The following THSD7B variants were observed in gnomAD, a reference collection of about 807,000 sequenced individuals.
THSD7B encodes thrombospondin type-1 domain-containing protein 7B.
THSD7B carries 138 observed loss-of-function variants against 213.6 expected under a neutral mutation model. The observed-to-expected ratio is 0.65, with a 90% confidence interval of 0.56 to 0.74. The LOEUF is 0.74. THSD7B is among the 30% of genes least tolerant of loss of function. THSD7B has a pLI of 0.00. For missense variants in THSD7B, 1,931 were observed against 1,991.5 expected, an observed-to-expected ratio of 0.97 and a Z score of 0.58; for synonymous variants, 742 against 687.0, an observed-to-expected ratio of 1.08 and a Z score of -1.25.
At chr2:136,923,407 G>T (rs1684469257) in intron 2 of THSD7B, among the ~76,000 whole-genome samples, 1 of 152,148 alleles carries the variant, frequency 6.6e-6, no homozygotes, top group Non-Finnish European at 1.5e-5. Context: ...GCTGTAATGT[G>T]CATGAGTGTG....
intron 2 of THSD7B, among the ~76,000 whole-genome samples, chr2:136,964,057 C>T (rs1035115243): frequency 2.0e-5 from 3 of 152,272 alleles, no homozygotes; most frequent in East Asian, 1.9e-4. Flanking sequence ...GAAGAGTACA[C>T]GATTTTTGTT....
chr2:137,302,270 G>A (rs1304063033), intron 12 of THSD7B, among the ~76,000 whole-genome samples: 2 of 150,748 alleles, frequency 1.3e-5, no homozygotes, highest in Non-Finnish European at 2.9e-5. Flanking sequence ...TAAGAGACTG[G>A]GGAAATGAGA....
intron 12 of THSD7B, among the ~76,000 whole-genome samples, chr2:137,290,631 T>C (rs1271091976): frequency 6.6e-6 from 1 of 152,176 alleles, no homozygotes; most frequent in Admixed American, 6.5e-5. Context: ...CCTAGGTCTT[T>C]ATTTCAAGGG....
At chr2:137,390,818 G>A (rs1025844700) in intron 12 of THSD7B, among the ~76,000 whole-genome samples, 5 of 151,990 alleles carry the variant, frequency 3.3e-5, no homozygotes, top group Non-Finnish European at 7.4e-5. Context: ...TTCTCTTTAC[G>A]TGCTGTATTA....
intron 12 of THSD7B, among the ~76,000 whole-genome samples, chr2:137,337,995 CAAAATTTAGGGGTT>C (rs1365263284): frequency 6.6e-6 from 1 of 151,880 alleles, no homozygotes; most frequent in African/African-American, 2.4e-5. Context: ...CAAATAACCC[CAAAATTTAGGGGTT>C]AAAACAACAC....
At chr2:137,010,936 G>C (rs1686219219) in intron 2 of THSD7B, among the ~76,000 whole-genome samples, 2 of 152,284 alleles carry the variant, frequency 1.3e-5, no homozygotes, top group East Asian at 1.9e-4. Flanking sequence ...GTGATGAAGA[G>C]TGGCAGGGAG....
intron 17 of THSD7B, among the ~76,000 whole-genome samples, chr2:137,577,922 G>A (rs1232541979): frequency 6.6e-6 from 1 of 152,180 alleles, no homozygotes; most frequent in Non-Finnish European, 1.5e-5. Context: ...CGATTCAAGA[G>A]AATTGGAGAG....
intron 2 of THSD7B, among the ~76,000 whole-genome samples, chr2:137,005,793 C>T (rs1157067612): frequency 2.0e-5 from 3 of 152,114 alleles, no homozygotes; most frequent in African/African-American, 7.2e-5. Flanking sequence ...GATTTCATTT[C>T]TGTCTCTGCC....
At chr2:137,278,834 T>C (rs1682933118) in intron 12 of THSD7B, among the ~76,000 whole-genome samples, 1 of 152,062 alleles carries the variant, frequency 6.6e-6, no homozygotes, top group Admixed American at 6.6e-5. Context: ...ATAGAAACGT[T>C]TGCAAATAAA....
chr2:137,347,898 T>C (rs1467375192), intron 12 of THSD7B, among the ~76,000 whole-genome samples: 2 of 151,552 alleles, frequency 1.3e-5, no homozygotes, highest in South Asian at 2.1e-4. Flanking sequence ...AGAATTGTCA[T>C]GATCAAATCA....
At chr2:137,565,534 C>T (rs984521346) in intron 16 of THSD7B, among the ~76,000 whole-genome samples, 20 of 152,166 alleles carry the variant, frequency 1.3e-4, no homozygotes, top group African/African-American at 4.8e-4. Context: ...AGGGTTCCAC[C>T]TTCAAGACTC....
At chr2:137,517,259 T>G (rs1414640838) in intron 15 of THSD7B, among the ~76,000 whole-genome samples, 2 of 152,260 alleles carry the variant, frequency 1.3e-5, no homozygotes, top group Non-Finnish European at 2.9e-5. Context: ...CCTTGATCAC[T>G]TTGTGCTTCC....
intron 1 of THSD7B, among the ~76,000 whole-genome samples, chr2:136,812,597 G>A (rs1046955278): frequency 8.5e-5 from 13 of 152,164 alleles, no homozygotes; most frequent in African/African-American, 2.7e-4. Context: ...TATATACAAT[G>A]TCCTATTTAC....
At chr2:137,433,496 A>G (rs1215915579) in intron 14 of THSD7B, among the ~76,000 whole-genome samples, 1 of 151,848 alleles carries the variant, frequency 6.6e-6, no homozygotes, top group Admixed American at 6.6e-5. Context: ...AGCTGGGATT[A>G]CAGGCAGGCA....
At chr2:137,183,353 A>G (rs1346441640) in intron 7 of THSD7B, among the ~76,000 whole-genome samples, 1 of 152,122 alleles carries the variant, frequency 6.6e-6, no homozygotes, top group East Asian at 1.9e-4. Context: ...TGAGGGTTAA[A>G]AAAGATAACA....
chr2:136,844,100 G>A (rs1377630641), intron 1 of THSD7B, among the ~76,000 whole-genome samples: 1 of 152,082 alleles, frequency 6.6e-6, no homozygotes, highest in Non-Finnish European at 1.5e-5. Context: ...CAGATGTTGG[G>A]CCTGTACATG....
rs1573634228 is a variant in THSD7B, at chr2:136,778,855, T to C, written c.-36+13168T>C. 3.3e-5 allele frequency among the ~76,000 whole-genome samples: 5 copies of C among 152,318 alleles called. No individual in the cohort carries two copies. In the South Asian group the frequency reaches 1.0e-3, roughly 32 times the overall value. On this transcript the variant is annotated intron_variant, in intron 1 of 27. Coordinates refer to ENST00000409968, the MANE Select transcript of THSD7B (RefSeq NM_001316349.2). ...TAGGAACAGACATTTACTAAATTCCTTCCCTGGGCCTATAAGTCAGCTCTA... is the reference window on the plus strand; with the variant it reads ...TAGGAACAGACATTTACTAAATTCCCTCCCTGGGCCTATAAGTCAGCTCTA...
At chr2:137,551,504 T>C (rs1010074682) in intron 15 of THSD7B, among the ~76,000 whole-genome samples, 2 of 152,110 alleles carry the variant, frequency 1.3e-5, no homozygotes, top group African/African-American at 4.8e-5. Flanking sequence ...CCCCTTGCAA[T>C]AATATTGCTG....
intron 7 of THSD7B, among the ~76,000 whole-genome samples, chr2:137,223,906 C>A (rs13396158): frequency 0.057 from 8,722 of 152,102 alleles, 654 homozygotes; most frequent in African/African-American, 0.17. Context: ...CTCCCACCCC[C>A]GCTTCCTCCT....
Sources: allele counts gnomAD v4.1 joint callset (sites outside exome capture counted in the v4.1 genomes callset), GRCh38; gene constraint gnomAD v4.1.1; transcripts MANE v1.5; gene names NCBI Gene and HGNC (gene_info 2026-07-23, HGNC 2026-07-21).